The following SVIL variants were observed in gnomAD, a reference collection of about 807,000 sequenced individuals.
SVIL encodes the protein archvillin.
SVIL carries 101 observed loss-of-function variants against 240.4 expected under a neutral mutation model. The ratio of observed to expected loss-of-function variants is 0.42; its 90% CI spans 0.36 to 0.50. The LOEUF is 0.50. Ranked by LOEUF, SVIL falls within the 20% of genes least tolerant of loss-of-function variation. The pLI, the probability that SVIL is intolerant of heterozygous loss-of-function variation, is 0.01. For missense variants in SVIL, 2,512 were observed against 2,818.7 expected, an observed-to-expected ratio of 0.89 and a Z score of 2.46; for synonymous variants, 999 against 1,100.0, an observed-to-expected ratio of 0.91 and a Z score of 1.82.
intron 3 of SVIL, among the ~76,000 whole-genome samples, chr10:29,641,468 C>G (rs1446546056): frequency 6.6e-6 from 1 of 151,496 alleles, no homozygotes; most frequent in Non-Finnish European, 1.5e-5. Flanking sequence ...CTGCAGAGGC[C>G]GAGGCAAGAG....
intron 12 of SVIL, among the ~76,000 whole-genome samples, chr10:29,527,875 G>A (rs948217536): frequency 6.6e-5 from 10 of 151,430 alleles, no homozygotes; most frequent in African/African-American, 1.5e-4. Context: ...ACAGGCGTGC[G>A]CCACCATGCC....
intron 32 of SVIL, among the ~76,000 whole-genome samples, chr10:29,468,490 T>A (rs746813548): frequency 2.6e-4 from 39 of 152,136 alleles, no homozygotes; most frequent in Non-Finnish European, 5.1e-4. Context: ...AACTGTATTG[T>A]TAAATCTTTT....
chr10:29,704,690 G>A (rs879688628), intron 1 of SVIL, among the ~76,000 whole-genome samples: 3 of 151,970 alleles, frequency 2.0e-5, no homozygotes, highest in Non-Finnish European at 2.9e-5. Flanking sequence ...TCACAACCAC[G>A]ATCATCATTT....
chr10:29,696,982 C>CT (rs1229660703), intron 1 of SVIL, among the ~76,000 whole-genome samples: 6 of 144,180 alleles, frequency 4.2e-5, no homozygotes, highest in African/African-American at 1.3e-4. Flanking sequence ...GTCAGCCCCT[C>CT]GCCCAGCCAG....
intron 1 of SVIL, among the ~76,000 whole-genome samples, chr10:29,627,347 A>G (rs1043773892): frequency 6.6e-6 from 1 of 152,124 alleles, no homozygotes; most frequent in African/African-American, 2.4e-5. Context: ...CTCTAGTCCA[A>G]CCCTTGTTTG....
chr10:29,526,638 T>C (rs1441466698), intron 13 of SVIL, among the ~76,000 whole-genome samples: 1 of 152,190 alleles, frequency 6.6e-6, no homozygotes, highest in African/African-American at 2.4e-5. Flanking sequence ...TATTAAGTGC[T>C]ATAACAGTAT....
At chr10:29,627,179 TTC>T (rs1335125098) in intron 1 of SVIL, among the ~76,000 whole-genome samples, 1 of 152,106 alleles carries the variant, frequency 6.6e-6, no homozygotes, top group Non-Finnish European at 1.5e-5. Flanking sequence ...AAAAAAGATC[TTC>T]TTTCTCAACA....
At chr10:29,509,251 C>A (rs12772984) in intron 17 of SVIL, among the ~76,000 whole-genome samples, 155 of 142,848 alleles carry the variant, frequency 1.1e-3, no homozygotes, top group African/African-American at 3.9e-3. Flanking sequence ...ATACCAAGAA[C>A]AGGTGAAAGA....
chr10:29,706,827 G>A (rs530226665), intron 1 of SVIL, among the ~76,000 whole-genome samples: 1 of 152,320 alleles, frequency 6.6e-6, no homozygotes, highest in South Asian at 2.1e-4. Context: ...AAGGTGTAAG[G>A]AAGGGGTCTA....
intron 1 of SVIL, among the ~76,000 whole-genome samples, chr10:29,575,663 C>T (rs1387509810): frequency 4.6e-5 from 7 of 151,804 alleles, no homozygotes; most frequent in African/African-American, 1.5e-4. Context: ...TGGAAGTGAG[C>T]GGCTACCTTT....
rs563270046 is a variant in SVIL at position 29,479,189 on chromosome 10, G to A, written c.5377+1348C>T. On this transcript the variant is annotated intron_variant, in intron 29 of 37. Coordinates refer to ENST00000355867, the MANE Select transcript of SVIL (RefSeq NM_021738.3). ...GATCTTCAGCCCCTCCTTGTAGCCA[G>A]ACTCACAGCTGCCCACATCCTGTGC... Among the ~76,000 whole-genome samples the A allele has an allele frequency of 4.6e-5, 7 of 152,228 alleles. No individual in the cohort carries two copies. In the South Asian group the frequency reaches 1.0e-3, roughly 23 times the overall value.
intron 1 of SVIL, among the ~76,000 whole-genome samples, chr10:29,626,885 G>A (rs1415241325): frequency 6.6e-6 from 1 of 152,040 alleles, no homozygotes; most frequent in South Asian, 2.1e-4. Flanking sequence ...TTAGCTGGGC[G>A]TGGTGGCGGG....
At position 29,487,311 on chromosome 10, in the gene SVIL, GCAGA is replaced by G; in HGVS notation, c.4349-16_4349-13del. On this transcript the variant is annotated splice_polypyrimidine_tract_variant and intron_variant, in intron 23 of 37. Coordinates refer to ENST00000355867, the MANE Select transcript of SVIL (RefSeq NM_021738.3). Reference sequence around the variant, plus strand: ...CACATGTCTTCTTCCTGAACACGAGGCAGACAGTCACCGTCTTTCCAGACAGAAC... The same window carrying G: ...CACATGTCTTCTTCCTGAACACGAGGCAGTCACCGTCTTTCCAGACAGAAC... 6.2e-7 allele frequency: 1 copy of G among 1,613,880 alleles called. No individual in the cohort carries two copies. The highest frequency in any genetic ancestry group is 8.5e-7 in the Non-Finnish European group (1 of 1,179,918).
Position 29,487,318 on chromosome 10 carries a change from G to A in SVIL, c.4349-19C>T, listed in dbSNP as rs779582214. The stretch of plus-strand genomic sequence containing the variant: ...CTTCTTCCTGAACACGAGGCAGACA[G>A]TCACCGTCTTTCCAGACAGAACGGG... On this transcript the variant is annotated intron_variant, in intron 23 of 37. Transcript: ENST00000355867. The A allele has an allele frequency of 4.3e-6, 7 of 1,613,788 alleles. No homozygotes were observed. In the Admixed American group the frequency reaches 1.2e-4, roughly 27 times the overall value.
intron 2 of SVIL, among the ~76,000 whole-genome samples, chr10:29,567,094 G>A (rs7919539): frequency 0.3 from 46,167 of 151,998 alleles, 7,337 homozygotes; most frequent in African/African-American, 0.39. Flanking sequence ...AACAGTGCTC[G>A]TTCTTTAGGA....
chr10:29,700,818 C>T (rs1962461754), intron 1 of SVIL, among the ~76,000 whole-genome samples: 1 of 152,082 alleles, frequency 6.6e-6, no homozygotes. Flanking sequence ...TGTGGCACCC[C>T]TACCCCCACC....
intron 3 of SVIL, among the ~76,000 whole-genome samples, chr10:29,657,500 G>A (rs190701989): frequency 7.9e-4 from 120 of 152,092 alleles, no homozygotes; most frequent in Non-Finnish European, 1.5e-4. Context: ...CTGTGTTCCA[G>A]GGAACACACT....
intron 3 of SVIL, among the ~76,000 whole-genome samples, chr10:29,561,220 G>T (rs1954440002): frequency 6.6e-6 from 1 of 152,080 alleles, no homozygotes. Context: ...TCTTTGATTT[G>T]TAAAAATTAT....
intron 6 of SVIL, among the ~76,000 whole-genome samples, chr10:29,541,466 C>T (rs559314501): frequency 1.3e-5 from 2 of 152,116 alleles, no homozygotes; most frequent in Non-Finnish European, 2.9e-5. Context: ...AATATGTCAT[C>T]GTTGGGTTAC....
Sources: gnomAD v4.1 joint callset for allele counts (sites outside exome capture counted in the v4.1 genomes callset) on GRCh38, gnomAD v4.1.1 for gene constraint, MANE v1.5 for transcripts, NCBI Gene and HGNC (gene_info 2026-07-23, HGNC 2026-07-21) for gene names.